The following SPSB4 variants were observed in gnomAD, a reference collection of about 807,000 sequenced individuals.
SPSB4 encodes splA/ryanodine receptor domain and SOCS box containing 4.
SPSB4 carries 21 observed loss-of-function variants against 20.9 expected under a neutral mutation model. The ratio of observed to expected loss-of-function variants is 1.01; its 90% CI spans 0.71 to 1.45. The LOEUF is 1.45. Ranked by LOEUF, SPSB4 falls within the 40% of genes most tolerant of loss-of-function variation. SPSB4 has a pLI of 0.00. For synonymous variants in SPSB4, 207 were observed against 183.8 expected (o/e 1.13, Z -1.02); for missense variants, 399 against 399.2 (o/e 1.00, Z 0.00).
At chr3:141,118,637 G>C (rs1938917687) in intron 2 of SPSB4, among the ~76,000 whole-genome samples, 2 of 152,160 alleles carry the variant, frequency 1.3e-5, no homozygotes, top group South Asian at 4.1e-4. Flanking sequence ...TTACATTTAG[G>C]TCTTTAATCC....
chr3:141,099,134 T>C (rs1273506661), intron 2 of SPSB4, among the ~76,000 whole-genome samples: 1 of 152,070 alleles, frequency 6.6e-6, no homozygotes, highest in Non-Finnish European at 1.5e-5. Context: ...CAATTAAATA[T>C]CGACATGAGT....
intron 1 of SPSB4, among the ~76,000 whole-genome samples, chr3:141,052,242 A>G (rs568608513): frequency 2.0e-5 from 3 of 152,192 alleles, no homozygotes; most frequent in Non-Finnish European, 4.4e-5. Context: ...GACAACGCAC[A>G]AAAAACTGCC....
chr3:141,064,074 C>T (rs1454416150), intron 1 of SPSB4, among the ~76,000 whole-genome samples: 1 of 152,264 alleles, frequency 6.6e-6, no homozygotes, highest in Non-Finnish European at 1.5e-5. Flanking sequence ...AGACCACATG[C>T]CCTGTTCCCA....
At chr3:141,059,390 G>T (rs567752513) in intron 1 of SPSB4, among the ~76,000 whole-genome samples, 1 of 151,960 alleles carries the variant, frequency 6.6e-6, no homozygotes, top group African/African-American at 2.4e-5. Flanking sequence ...CAGGAAGCAC[G>T]GTGCTGGCAT....
intron 2 of SPSB4, among the ~76,000 whole-genome samples, chr3:141,141,266 C>T (rs1939322728): frequency 6.6e-6 from 1 of 152,198 alleles, no homozygotes; most frequent in South Asian, 2.1e-4. Context: ...ATTCCCTGAC[C>T]CCTTGCACTT....
chr3:141,121,136 G>A (rs1189168622), intron 2 of SPSB4, among the ~76,000 whole-genome samples: 1 of 151,974 alleles, frequency 6.6e-6, no homozygotes, highest in Non-Finnish European at 1.5e-5. Flanking sequence ...GCATTTGCTT[G>A]TCTGTGAAGT....
chr3:141,077,583 G>A (rs1201543950), intron 2 of SPSB4: 1 of 152,338 alleles, frequency 6.6e-6, no homozygotes. Context: ...GAGGTCCCAG[G>A]GTGAGAGCGT....
Position 141,137,537 on chromosome 3 carries a change from A to G in SPSB4, c.695-9605A>G, listed in dbSNP as rs553963057. ...AATACCTAATTTATTGAGAGTTTTT[A>G]GCATGAATGGTTGTTGAATTTTGTC... On this transcript the variant is annotated intron_variant, in intron 2 of 2. Coordinates refer to ENST00000310546, the MANE Select transcript of SPSB4 (RefSeq NM_080862.3). Among the ~76,000 whole-genome samples the G allele has an allele frequency of 2.6e-5, 4 of 152,348 alleles. No homozygotes were observed. In the East Asian group the frequency reaches 7.7e-4, roughly 29 times the overall value.
intron 1 of SPSB4, among the ~76,000 whole-genome samples, chr3:141,061,702 T>C (rs914231339): frequency 6.6e-6 from 1 of 150,750 alleles, no homozygotes; most frequent in Non-Finnish European, 1.5e-5. Flanking sequence ...ATCCTTTTTC[T>C]TCTCTTTCTT....
intron 2 of SPSB4, among the ~76,000 whole-genome samples, chr3:141,114,851 C>T (rs1485492074): frequency 1.3e-5 from 2 of 152,202 alleles, no homozygotes; most frequent in African/African-American, 4.8e-5. Context: ...AAGGAAGTGT[C>T]TGTTTTTATG....
At chr3:141,072,754 C>T (rs1334037098) in intron 2 of SPSB4, among the ~76,000 whole-genome samples, 1 of 152,194 alleles carries the variant, frequency 6.6e-6, no homozygotes, top group African/African-American at 2.4e-5. Flanking sequence ...CATGTGGCAA[C>T]AGATTTAAAT....
chr3:141,071,386 C>A (rs544010429), intron 2 of SPSB4, among the ~76,000 whole-genome samples: 2 of 152,154 alleles, frequency 1.3e-5, no homozygotes, highest in South Asian at 4.2e-4. Flanking sequence ...AGACAAGAGG[C>A]CTTGGGGTCC....
intron 2 of SPSB4, among the ~76,000 whole-genome samples, chr3:141,114,569 T>C (rs563397646): frequency 2.0e-5 from 3 of 152,258 alleles, no homozygotes; most frequent in Admixed American, 2.0e-4. Flanking sequence ...ACCAGATGCA[T>C]CTAAACCACC....
chr3:141,070,235 A>G (rs965417263), intron 2 of SPSB4, among the ~76,000 whole-genome samples: 1 of 152,226 alleles, frequency 6.6e-6, no homozygotes, highest in South Asian at 2.1e-4. Flanking sequence ...CAACAATAGC[A>G]ACAACTAATA....
chr3:141,058,262 C>A (rs933065405), intron 1 of SPSB4, among the ~76,000 whole-genome samples: 3 of 152,160 alleles, frequency 2.0e-5, no homozygotes, highest in Non-Finnish European at 4.4e-5. Context: ...GTGGCATTGC[C>A]ACTTCATGTC....
intron 1 of SPSB4, among the ~76,000 whole-genome samples, chr3:141,065,089 T>A (rs377328548): frequency 3.3e-5 from 5 of 152,196 alleles, no homozygotes; most frequent in African/African-American, 1.2e-4. Context: ...TTTATCCTCA[T>A]GTTTTTTACT....
chr3:141,059,719 A>G (rs963002692), intron 1 of SPSB4, among the ~76,000 whole-genome samples: 2 of 152,114 alleles, frequency 1.3e-5, no homozygotes, highest in African/African-American at 4.8e-5. Context: ...TTTGGGGAGG[A>G]CACAATCAGT....
At chr3:141,065,090 G>T (rs969258994) in intron 1 of SPSB4, among the ~76,000 whole-genome samples, 5 of 152,184 alleles carry the variant, frequency 3.3e-5, no homozygotes, top group Admixed American at 1.3e-4. Flanking sequence ...TTATCCTCAT[G>T]TTTTTTACTG....
At chr3:141,118,417 A>G (rs1006222867) in intron 2 of SPSB4, among the ~76,000 whole-genome samples, 1 of 152,098 alleles carries the variant, frequency 6.6e-6, no homozygotes, top group Non-Finnish European at 1.5e-5. Context: ...TAGATTGCAA[A>G]CATTTTCTCC....
Sources: allele counts gnomAD v4.1 joint callset (sites outside exome capture counted in the v4.1 genomes callset), GRCh38; gene constraint gnomAD v4.1.1; transcripts MANE v1.5; gene names NCBI Gene and HGNC (gene_info 2026-07-23, HGNC 2026-07-21).